The following METTL8 variants were observed in gnomAD, a reference collection of about 807,000 sequenced individuals.
The protein encoded by METTL8 is tRNA N(3)-cytidine methyltransferase METTL8, mitochondrial.
METTL8 carries 32 observed loss-of-function variants against 48.7 expected under a neutral mutation model. That is an observed-to-expected ratio of 0.66 (90% CI 0.50 to 0.88). METTL8 has a LOEUF of 0.88. Among genes scored for constraint, METTL8 ranks in the 40% least tolerant of loss-of-function variants. METTL8 has a pLI of 0.00. For synonymous variants in METTL8, 136 were observed against 157.1 expected, an observed-to-expected ratio of 0.87 and a Z score of 1.01; for missense variants, 464 against 474.4, an observed-to-expected ratio of 0.98 and a Z score of 0.20.
At chr2:171,429,605 C>T (rs1256068877) in intron 1 of METTL8, among the ~76,000 whole-genome samples, 1 of 151,874 alleles carries the variant, frequency 6.6e-6, no homozygotes, top group Non-Finnish European at 1.5e-5. Flanking sequence ...ACAACACACA[C>T]ATAAAAAAAT....
chr2:171,401,800 G>C (rs1484280762), intron 1 of METTL8, among the ~76,000 whole-genome samples: 2 of 151,788 alleles, frequency 1.3e-5, no homozygotes. Context: ...CTGGATTCTT[G>C]ATGGCATCAT....
At chr2:171,368,248 T>C (rs1467036079) in intron 2 of METTL8, among the ~76,000 whole-genome samples, 1 of 152,238 alleles carries the variant, frequency 6.6e-6, no homozygotes, top group East Asian at 1.9e-4. Flanking sequence ...CACTTCTTAC[T>C]GAAGTACAAT....
intron 2 of METTL8, among the ~76,000 whole-genome samples, chr2:171,367,989 A>C (rs2105492058): frequency 6.6e-6 from 1 of 152,350 alleles, no homozygotes; most frequent in South Asian, 2.1e-4. Context: ...TGGTATAAAA[A>C]CAATGAGGGG....
chr2:171,402,654 G>T (rs1689756489), intron 1 of METTL8, among the ~76,000 whole-genome samples: 2 of 152,164 alleles, frequency 1.3e-5, no homozygotes, highest in South Asian at 4.2e-4. Context: ...AGAGGGCCTA[G>T]AAGTCATCAC....
intron 2 of METTL8, among the ~76,000 whole-genome samples, chr2:171,378,948 A>T (rs1687246003): frequency 1.3e-5 from 2 of 152,224 alleles, no homozygotes; most frequent in Non-Finnish European, 2.9e-5. Context: ...CAGACAACAG[A>T]TTATATATTC....
At chr2:171,330,968 G>A (rs1405569515) in intron 6 of METTL8, among the ~76,000 whole-genome samples, 1 of 152,138 alleles carries the variant, frequency 6.6e-6, no homozygotes, top group African/African-American at 2.4e-5. Flanking sequence ...TGAGTTAGTA[G>A]ACAGTGTTGT....
intron 2 of METTL8, among the ~76,000 whole-genome samples, chr2:171,366,449 G>C (rs1050228126): frequency 6.6e-6 from 1 of 152,074 alleles, no homozygotes; most frequent in African/African-American, 2.4e-5. Flanking sequence ...ACATAATCCA[G>C]ACTGCATAGA....
In METTL8 at chr2:171,316,295, G is replaced by A. The variant is rs777336038; in HGVS notation, c.*7877C>T. 6.6e-6 allele frequency among the ~76,000 whole-genome samples: 1 copy of A among 152,186 alleles called. No individual in the cohort carries two copies. Among genetic ancestry groups the A allele is most frequent in the East Asian group, 1.9e-4 (1 of 5,192 alleles). On this transcript the variant is annotated 3_prime_UTR_variant, in exon 10 of 10. Coordinates refer to ENST00000375258, the MANE Select transcript of METTL8 (RefSeq NM_001321154.2). ...CTGTGGGTAGAAAACAAGTCCCCAAGTTGCTACTGAGCCAAACTGTAAAGG... is the reference window on the plus strand; with the variant it reads ...CTGTGGGTAGAAAACAAGTCCCCAAATTGCTACTGAGCCAAACTGTAAAGG...
chr2:171,315,797 T>A lies in METTL8; in HGVS notation c.*8375A>T, dbSNP rs1230785358. 6.6e-6 allele frequency among the ~76,000 whole-genome samples: 1 copy of A among 152,072 alleles called. No homozygotes were observed. Among genetic ancestry groups the A allele is most frequent in the Admixed American group, 6.6e-5 (1 of 15,266 alleles). On this transcript the variant is annotated 3_prime_UTR_variant, in exon 10 of 10. Coordinates refer to ENST00000375258, the MANE Select transcript of METTL8 (RefSeq NM_001321154.2). ...TAAATGTGCCAAAGAGGAGAAGAAA[T>A]CACAGAAGATTTACAAAACTTACAT...
intron 3 of METTL8, among the ~76,000 whole-genome samples, chr2:171,357,442 A>G (rs563298560): frequency 2.0e-5 from 3 of 152,382 alleles, no homozygotes; most frequent in Non-Finnish European, 4.4e-5. Flanking sequence ...ATAGCTACAA[A>G]GAATATAAGA....
chr2:171,372,914 T>C (rs1158499028), intron 2 of METTL8, among the ~76,000 whole-genome samples: 1 of 152,204 alleles, frequency 6.6e-6, no homozygotes, highest in Non-Finnish European at 1.5e-5. Context: ...TCCAAGTCTT[T>C]GCTATTGTGA....
At chr2:171,344,543 C>A (rs1034472230) in intron 3 of METTL8, among the ~76,000 whole-genome samples, 3 of 152,042 alleles carry the variant, frequency 2.0e-5, no homozygotes, top group African/African-American at 7.2e-5. Flanking sequence ...TTGGAGTTAC[C>A]CTTCATTAAG....
chr2:171,342,281 C>T (rs1429253119), intron 3 of METTL8, among the ~76,000 whole-genome samples: 2 of 152,210 alleles, frequency 1.3e-5, no homozygotes, highest in Non-Finnish European at 2.9e-5. Flanking sequence ...AAGACTGAAA[C>T]TCCCATCTGT....
intron 3 of METTL8, among the ~76,000 whole-genome samples, chr2:171,352,541 T>A (rs1684052656): frequency 6.6e-6 from 1 of 152,360 alleles, no homozygotes; most frequent in African/African-American, 2.4e-5. Flanking sequence ...TCAGAAGGAA[T>A]GGTACCAGCT....
At chr2:171,362,382 A>G (rs2105477308) in intron 2 of METTL8, among the ~76,000 whole-genome samples, 1 of 152,222 alleles carries the variant, frequency 6.6e-6, no homozygotes, top group South Asian at 2.1e-4. Context: ...TAAGGTCTTA[A>G]AACTGAGTAT....
intron 2 of METTL8, among the ~76,000 whole-genome samples, chr2:171,388,968 T>C (rs1346100014): frequency 6.6e-6 from 1 of 152,222 alleles, no homozygotes; most frequent in Non-Finnish European, 1.5e-5. Context: ...TGGCTTTCCC[T>C]GTCTATTTCC....
chr2:171,337,529 C>CA (rs1357802629), intron 4 of METTL8, 27 bp from the exon 5 acceptor site: 5 of 1,572,718 alleles, frequency 3.2e-6, no homozygotes, highest in Non-Finnish European at 4.3e-6. Context: ...AAGCAAATAT[C>CA]AAAAAAAGCA....
chr2:171,378,514 C>T (rs1030998640), intron 2 of METTL8, among the ~76,000 whole-genome samples: 10 of 152,092 alleles, frequency 6.6e-5, no homozygotes, highest in African/African-American at 2.4e-4. Context: ...CGCCTGTAGT[C>T]CCAGCTACTT....
At chr2:171,399,218 T>C (rs763573346) in intron 1 of METTL8, among the ~76,000 whole-genome samples, 3 of 152,078 alleles carry the variant, frequency 2.0e-5, no homozygotes, top group Non-Finnish European at 2.9e-5. Flanking sequence ...TAGGCAATGG[T>C]TAAAGCAATC....
Sources: gnomAD v4.1 joint callset for allele counts (sites outside exome capture counted in the v4.1 genomes callset) on GRCh38, gnomAD v4.1.1 for gene constraint, MANE v1.5 for transcripts, NCBI Gene and HGNC (gene_info 2026-07-23, HGNC 2026-07-21) for gene names.